CADM2: variants seen among roughly 807,000 people sequenced by gnomAD.
CADM2 encodes immunoglobulin superfamily member 4D.
In CADM2, 12 loss-of-function variants were observed where a neutral mutation model predicts 49.8. That is an observed-to-expected ratio of 0.24 (90% CI 0.15 to 0.39). The LOEUF is 0.39. Among genes scored for constraint, CADM2 ranks in the 10% least tolerant of loss-of-function variants. The pLI, the probability that CADM2 is intolerant of heterozygous loss-of-function variation, is 1.00. For synonymous variants in CADM2, 214 were observed against 175.4 expected (o/e 1.22, Z -1.74); for missense variants, 378 against 492.3 (o/e 0.77, Z 2.20).
chr3:85,009,915 A>G (rs1245900832), intron 1 of CADM2, among the ~76,000 whole-genome samples: 1 of 149,572 alleles, frequency 6.7e-6, no homozygotes, highest in South Asian at 2.1e-4. Flanking sequence ...AAATATTTTA[A>G]AAAATAAATA....
chr3:85,512,106 A>T (rs1360409453), intron 1 of CADM2, among the ~76,000 whole-genome samples: 1 of 152,010 alleles, frequency 6.6e-6, no homozygotes, highest in Non-Finnish European at 1.5e-5. Flanking sequence ...CCCATCACCC[A>T]GGTAGTGAGC....
At chr3:85,897,258 TTTTTTTTTTTTTTTTTTTTTTTG>T (rs1363341647) in intron 5 of CADM2, among the ~76,000 whole-genome samples, 2 of 77,898 alleles carry the variant, frequency 2.6e-5, no homozygotes, top group East Asian at 3.6e-4. Flanking sequence ...TTTTTTTTTT[TTTTTTTTTTTTTTTTTTTTTTTG>T]AGACGGAGTC....
chr3:84,994,025 T>A (rs2033040757), intron 1 of CADM2, among the ~76,000 whole-genome samples: 1 of 152,172 alleles, frequency 6.6e-6, no homozygotes, highest in Non-Finnish European at 1.5e-5. Context: ...CTTTCAGCAT[T>A]ATGAGATTCC....
At chr3:86,058,039 T>A (rs1251023724) in intron 8 of CADM2, among the ~76,000 whole-genome samples, 1 of 152,202 alleles carries the variant, frequency 6.6e-6, no homozygotes, top group Non-Finnish European at 1.5e-5. Context: ...GTACTTTACA[T>A]ACATTGAAAA....
chr3:85,665,372 CTT>C lies in CADM2; in HGVS notation c.62-61149_62-61148del, dbSNP rs143645506. 8.2e-3 allele frequency among the ~76,000 whole-genome samples: 1,245 copies of C among 151,908 alleles called. 13 individuals are homozygous for C. Among genetic ancestry groups the C allele is most frequent in the African/African-American group, 0.028 (1,170 of 41,464 alleles). On this transcript the variant is annotated intron_variant, in intron 1 of 9. Transcript: ENST00000383699. ...GAAAACATTTTAAAGGTTGTAATGA[CTT>C]AGAATCATAATTGGCCTGCAATGGA...
intron 1 of CADM2, among the ~76,000 whole-genome samples, chr3:84,982,687 T>C (rs1315565114): frequency 7.5e-6 from 1 of 132,646 alleles, no homozygotes; most frequent in Admixed American, 7.8e-5. Context: ...GACATATAGA[T>C]TGAAAACTAT....
At chr3:85,705,213 G>A (rs779425863) in intron 1 of CADM2, among the ~76,000 whole-genome samples, 8 of 143,952 alleles carry the variant, frequency 5.6e-5, no homozygotes, top group Admixed American at 1.4e-4. Flanking sequence ...ATTATAATGG[G>A]GTTCAAGTTT....
At chr3:85,752,383 A>G (rs1440205285) in intron 2 of CADM2, among the ~76,000 whole-genome samples, 2 of 114,438 alleles carry the variant, frequency 1.7e-5, no homozygotes, top group Admixed American at 1.8e-4. Flanking sequence ...GCAGTCAAAT[A>G]TAAGATATGC....
intron 1 of CADM2, among the ~76,000 whole-genome samples, chr3:85,089,533 A>C (rs994851378): frequency 4.6e-5 from 7 of 152,130 alleles, no homozygotes; most frequent in African/African-American, 1.7e-4. Flanking sequence ...GACTCACATA[A>C]ATGATTTTCA....
chr3:84,970,077 C>G (rs1051303468), intron 1 of CADM2, among the ~76,000 whole-genome samples: 2 of 122,468 alleles, frequency 1.6e-5, no homozygotes, highest in Non-Finnish European at 3.3e-5. Flanking sequence ...TACTGCCAAG[C>G]TAGAGAGTAG....
chr3:85,536,807 T>TTA (rs949106557), intron 1 of CADM2, among the ~76,000 whole-genome samples: 41 of 151,578 alleles, frequency 2.7e-4, no homozygotes, highest in South Asian at 2.1e-3. Flanking sequence ...CTTTAGACTA[T>TTA]TATATATATA....
chr3:85,146,056 C>T (rs564759238), intron 1 of CADM2, among the ~76,000 whole-genome samples: 11 of 152,170 alleles, frequency 7.2e-5, no homozygotes, highest in African/African-American at 2.4e-4. Flanking sequence ...TATTTTTAAC[C>T]ACTCTGTGCC....
chr3:85,356,661 GC>G (rs1194010079), intron 1 of CADM2, among the ~76,000 whole-genome samples: 1 of 152,064 alleles, frequency 6.6e-6, no homozygotes, highest in Admixed American at 6.6e-5. Context: ...AAGTTTTTGA[GC>G]ACAGATAATA....
At chr3:85,046,273 C>A (rs2107384755) in intron 1 of CADM2, among the ~76,000 whole-genome samples, 1 of 150,408 alleles carries the variant, frequency 6.6e-6, no homozygotes, top group East Asian at 2.0e-4. Context: ...TAAACCAAAT[C>A]TTTACTTCTC....
intron 1 of CADM2, among the ~76,000 whole-genome samples, chr3:84,974,623 G>A (rs536044383): frequency 2.0e-5 from 3 of 152,058 alleles, no homozygotes; most frequent in African/African-American, 7.2e-5. Flanking sequence ...CATACAAGAA[G>A]TGCATTAAGT....
At chr3:85,137,616 T>C (rs1360381916) in intron 1 of CADM2, among the ~76,000 whole-genome samples, 1 of 152,066 alleles carries the variant, frequency 6.6e-6, no homozygotes. Context: ...TTTTCACAAC[T>C]TTCTGAGTTT....
intron 1 of CADM2, among the ~76,000 whole-genome samples, chr3:85,699,002 C>G (rs2066659575): frequency 6.6e-6 from 1 of 152,208 alleles, no homozygotes; most frequent in African/African-American, 2.4e-5. Context: ...CAATGGGGTA[C>G]AGGCATTGGG....
At chr3:85,764,287 A>C (rs1478539490) in intron 2 of CADM2, among the ~76,000 whole-genome samples, 1 of 152,272 alleles carries the variant, frequency 6.6e-6, no homozygotes, top group South Asian at 2.1e-4. Context: ...TGATATAGTT[A>C]AAAATAAAAT....
chr3:85,935,337 G>A (rs1192268692), intron 6 of CADM2, among the ~76,000 whole-genome samples: 1 of 152,022 alleles, frequency 6.6e-6, no homozygotes, highest in African/African-American at 2.4e-5. Context: ...AGTTCATTGT[G>A]GGTTCCTTAT....
Sources: gnomAD v4.1 joint callset for allele counts (sites outside exome capture counted in the v4.1 genomes callset) on GRCh38, gnomAD v4.1.1 for gene constraint, MANE v1.5 for transcripts, NCBI Gene and HGNC (gene_info 2026-07-23, HGNC 2026-07-21) for gene names.